GNAQ: variants seen among roughly 807,000 people sequenced by gnomAD.
GNAQ encodes G protein subunit alpha q, also known as guanine nucleotide-binding protein G(q) subunit alpha.
Under a neutral mutation model 43.9 loss-of-function variants are expected in GNAQ, and 8 were observed. The observed-to-expected ratio is 0.18, with a 90% confidence interval of 0.11 to 0.33. The LOEUF (loss-of-function observed/expected upper bound fraction) is 0.33. Among genes scored for constraint, GNAQ ranks in the 10% least tolerant of loss-of-function variants. The pLI is 1.00. For synonymous variants in GNAQ, 155 were observed against 170.7 expected (o/e 0.91, Z 0.71); for missense variants, 158 against 450.8 (o/e 0.35, Z 5.88).
At chr9:77,841,682 GAAAC>G (rs1420007225) in intron 2 of GNAQ, among the ~76,000 whole-genome samples, 1 of 152,162 alleles carries the variant, frequency 6.6e-6, no homozygotes, top group Non-Finnish European at 1.5e-5. Flanking sequence ...ATGAGTAAGT[GAAAC>G]AAATAATATG....
At chr9:77,752,108 C>G (rs1825821971) in intron 5 of GNAQ, among the ~76,000 whole-genome samples, 1 of 152,176 alleles carries the variant, frequency 6.6e-6, no homozygotes. Flanking sequence ...TTTTTAAAAC[C>G]TGTAGTCACT....
intron 2 of GNAQ, among the ~76,000 whole-genome samples, chr9:77,895,385 A>C (rs1326563463): frequency 6.6e-6 from 1 of 152,158 alleles, no homozygotes; most frequent in East Asian, 1.9e-4. Flanking sequence ...GATCACAGCT[A>C]GTAAGTGGTG....
chr9:77,994,323 A>G (rs1823543244), intron 1 of GNAQ, among the ~76,000 whole-genome samples: 1 of 152,224 alleles, frequency 6.6e-6, no homozygotes, highest in South Asian at 2.1e-4. Context: ...AACAAGCGTG[A>G]GCCACCTCAT....
chr9:77,824,866 C>T (rs1415731677), intron 2 of GNAQ, among the ~76,000 whole-genome samples: 2 of 152,074 alleles, frequency 1.3e-5, no homozygotes, highest in Non-Finnish European at 2.9e-5. Flanking sequence ...TTTTTTTGTA[C>T]ATGCATAAGA....
At chr9:77,903,905 C>T (rs1828658137) in intron 2 of GNAQ, among the ~76,000 whole-genome samples, 1 of 147,810 alleles carries the variant, frequency 6.8e-6, no homozygotes, top group Admixed American at 7.0e-5. Context: ...CCAGGCTACA[C>T]ATACCTTCCA....
intron 5 of GNAQ, among the ~76,000 whole-genome samples, chr9:77,773,592 G>A (rs1826262092): frequency 6.6e-6 from 1 of 152,220 alleles, no homozygotes; most frequent in South Asian, 2.1e-4. Flanking sequence ...TGTCTCTTCA[G>A]GGACTGCCTT....
At chr9:77,794,388 C>CA in intron 5 of GNAQ, 75 bp downstream of exon 5, 1 of 1,032,512 alleles carries the variant, frequency 9.7e-7, no homozygotes, top group Non-Finnish European at 1.4e-6. Flanking sequence ...CTCCATTCCC[C>CA]ACACCCTACT....
chr9:77,899,909 C>T (rs1044596818), intron 2 of GNAQ, among the ~76,000 whole-genome samples: 5 of 152,220 alleles, frequency 3.3e-5, no homozygotes, highest in Admixed American at 6.5e-5. Context: ...CAAAAGCTTG[C>T]ATTCTAGCAG....
intron 1 of GNAQ, among the ~76,000 whole-genome samples, chr9:78,020,384 T>C (rs6560621): frequency 0.21 from 32,433 of 152,120 alleles, 3,675 homozygotes; most frequent in South Asian, 0.4. Context: ...CAAGGGTTTT[T>C]CTCGGGACAC....
At chr9:77,932,939 G>A (rs1242685731) in intron 1 of GNAQ, among the ~76,000 whole-genome samples, 1 of 152,096 alleles carries the variant, frequency 6.6e-6, no homozygotes. Flanking sequence ...GATGGATGAA[G>A]TGAAAAAGGG....
chr9:77,775,095 T>G (rs1826287026), intron 5 of GNAQ, among the ~76,000 whole-genome samples: 1 of 152,212 alleles, frequency 6.6e-6, no homozygotes, highest in African/African-American at 2.4e-5. Context: ...TGTCCAATAT[T>G]AATTATACAT....
intron 2 of GNAQ, among the ~76,000 whole-genome samples, chr9:77,830,587 A>G (rs572838868): frequency 6.6e-6 from 1 of 152,218 alleles, no homozygotes; most frequent in East Asian, 1.9e-4. Context: ...ACAAAATGTT[A>G]GTCTTCCAAA....
intron 3 of GNAQ, among the ~76,000 whole-genome samples, chr9:77,807,758 T>A (rs777355310): frequency 1.2e-4 from 19 of 152,180 alleles, no homozygotes; most frequent in Non-Finnish European, 2.8e-4. Flanking sequence ...TGTGTTTTAA[T>A]AGTTATTCTT....
intron 2 of GNAQ, among the ~76,000 whole-genome samples, chr9:77,914,146 G>C (rs545416005): frequency 1.6e-4 from 24 of 152,232 alleles, no homozygotes; most frequent in African/African-American, 5.5e-4. Context: ...AAAGATAAAG[G>C]GAGGAGAAGA....
intron 1 of GNAQ, among the ~76,000 whole-genome samples, chr9:77,940,585 AAAATT>A (rs1829300613): frequency 6.6e-6 from 1 of 152,098 alleles, no homozygotes; most frequent in African/African-American, 2.4e-5. Flanking sequence ...TTAAAAAAGA[AAAATT>A]AAATTAAATT....
Position 77,874,109 on chromosome 9 carries a change from A to AAAAAAAAAAAAC in GNAQ, c.321+48051_321+48052insGTTTTTTTTTTT, listed in dbSNP as rs1454601850. ...ACAAGAGCGAAACTCCATCTCAAAA[A>AAAAAAAAAAAAC]AAAAAAACAAAAAAACAAAAAAACA... On this transcript the variant is annotated intron_variant, in intron 2 of 6. Coordinates refer to ENST00000286548, the MANE Select transcript of GNAQ (RefSeq NM_002072.5). Among the ~76,000 whole-genome samples the AAAAAAAAAAAAC allele has an allele frequency of 3.6e-4, 54 of 148,176 alleles. 2 individuals are homozygous for AAAAAAAAAAAAC. The highest frequency in any genetic ancestry group is 3.6e-3 in the South Asian group (17 of 4,730).
At chr9:77,777,943 G>A (rs1439403350) in intron 5 of GNAQ, among the ~76,000 whole-genome samples, 1 of 151,930 alleles carries the variant, frequency 6.6e-6, no homozygotes, top group African/African-American at 2.4e-5. Context: ...ACTACCAAAT[G>A]ATCCAGGAAT....
rs140607582 is a variant in GNAQ, at chr9:77,841,915, T to C, written c.322-26145A>G. Among the ~76,000 whole-genome samples, 1,010 of 152,332 alleles carry C rather than the reference T, an allele frequency of 6.6e-3. 4 individuals carry two copies. Among genetic ancestry groups the C allele is most frequent in the African/African-American group, 0.023 (954 of 41,568 alleles). ...GTGTCTTCAAGTTGGGAGTGCCCTC[T>C]ACTGCCCAAAAGCATGGCTTCAGTT... On this transcript the variant is annotated intron_variant, in intron 2 of 6. Transcript: ENST00000286548.
intron 2 of GNAQ, among the ~76,000 whole-genome samples, chr9:77,882,431 TAACTA>T (rs1293286324): frequency 1.1e-4 from 16 of 152,338 alleles, no homozygotes; most frequent in Admixed American, 9.2e-4. Context: ...TCTAAGAATT[TAACTA>T]AAGGTTGCAA....
Sources: allele counts gnomAD v4.1 joint callset (sites outside exome capture counted in the v4.1 genomes callset), GRCh38; gene constraint gnomAD v4.1.1; transcripts MANE v1.5; gene names NCBI Gene and HGNC (gene_info 2026-07-23, HGNC 2026-07-21).